The following NTM variants were observed in gnomAD, a reference collection of about 807,000 sequenced individuals.
NTM encodes the protein neurotrimin, also known as IgLON family member 2.
A neutral mutation model predicts 42.1 loss-of-function variants in NTM; 13 were observed. That is an observed-to-expected ratio of 0.31 (90% CI 0.20 to 0.49). The LOEUF (loss-of-function observed/expected upper bound fraction) is 0.49. Among genes scored for constraint, NTM ranks in the 20% least tolerant of loss-of-function variants. The pLI is 0.99. For missense variants in NTM, 373 were observed against 452.8 expected (o/e 0.82, Z 1.60); for synonymous variants, 187 against 179.2 (o/e 1.04, Z -0.35).
At chr11:132,334,961 G>A (rs779781876) in intron 8 of NTM, 85 bp from the exon 9 acceptor site, 363 of 1,558,308 alleles carry the variant, frequency 2.3e-4, no homozygotes, top group Non-Finnish European at 3.0e-4. Flanking sequence ...CAGGGGCAAG[G>A]CCAAATGACA....
chr11:131,539,407 T>G (rs2052825795), intron 1 of NTM: 1 of 152,298 alleles, frequency 6.6e-6, no homozygotes, highest in East Asian at 1.9e-4. Context: ...GATGAACGCT[T>G]GTGCACCAAT....
intron 1 of NTM, among the ~76,000 whole-genome samples, chr11:131,540,154 GTTTTTTTTTTTTTTTTTT>G (rs57022166): frequency 6.9e-5 from 6 of 86,684 alleles, no homozygotes; most frequent in Admixed American, 5.0e-4. Context: ...ATTTAAGCTT[GTTTTTTTTTTTTTTTTTT>G]TTTTTTTTTT....
intron 1 of NTM, among the ~76,000 whole-genome samples, chr11:131,690,133 G>A (rs894694962): frequency 1.3e-5 from 2 of 152,168 alleles, no homozygotes; most frequent in African/African-American, 4.8e-5. Flanking sequence ...GTGGAACTGG[G>A]TAGAGGAGCA....
At chr11:131,859,019 G>A (rs940647897) in intron 1 of NTM, among the ~76,000 whole-genome samples, 3 of 152,074 alleles carry the variant, frequency 2.0e-5, no homozygotes, top group Admixed American at 6.6e-5. Flanking sequence ...GAGTTTTGCC[G>A]CACTTCAGCT....
chr11:131,693,687 C>G (rs1051377607), intron 1 of NTM, among the ~76,000 whole-genome samples: 1 of 152,186 alleles, frequency 6.6e-6, no homozygotes, highest in African/African-American at 2.4e-5. Flanking sequence ...GTCATCCACC[C>G]AAATCCTATG....
At chr11:131,857,008 T>C (rs2046175689) in intron 1 of NTM, among the ~76,000 whole-genome samples, 2 of 152,340 alleles carry the variant, frequency 1.3e-5, no homozygotes, top group Admixed American at 1.3e-4. Context: ...TTTACCTTTT[T>C]ATATAATCTT....
chr11:131,962,205 T>G (rs2062267220), intron 2 of NTM, among the ~76,000 whole-genome samples: 1 of 152,128 alleles, frequency 6.6e-6, no homozygotes, highest in Admixed American at 6.6e-5. Flanking sequence ...CATAATCATC[T>G]TTCTCTTTAA....
intron 2 of NTM, among the ~76,000 whole-genome samples, chr11:131,973,908 T>G (rs1436594327): frequency 6.6e-6 from 1 of 152,204 alleles, no homozygotes. Context: ...TTCACTCATA[T>G]GCAGATTTTC....
At chr11:131,627,796 A>C (rs2063275691) in intron 1 of NTM, among the ~76,000 whole-genome samples, 1 of 152,186 alleles carries the variant, frequency 6.6e-6, no homozygotes, top group Non-Finnish European at 1.5e-5. Flanking sequence ...GTACCACTGC[A>C]TTCCAGCTTG....
chr11:131,680,560 T>TAC (rs1565414848), intron 1 of NTM, among the ~76,000 whole-genome samples: 13 of 140,838 alleles, frequency 9.2e-5, no homozygotes, highest in African/African-American at 3.4e-4. Flanking sequence ...TGTGTGTGTG[T>TAC]CTGTGTAGGC....
chr11:132,334,710 G>A (rs182684515), intron 8 of NTM, among the ~76,000 whole-genome samples: 6 of 152,188 alleles, frequency 3.9e-5, no homozygotes, highest in Non-Finnish European at 7.4e-5. Flanking sequence ...AAAGCTCTGT[G>A]TAGGATATTA....
chr11:132,195,392 A>G (rs12416951), intron 3 of NTM, among the ~76,000 whole-genome samples: 17,751 of 151,898 alleles, frequency 0.12, 1,289 homozygotes, highest in East Asian at 0.26. Context: ...TACAGATTCA[A>G]TGTAATTCCT....
chr11:131,550,371 G>A (rs2136903873), intron 1 of NTM, among the ~76,000 whole-genome samples: 1 of 152,280 alleles, frequency 6.6e-6, no homozygotes, highest in African/African-American at 2.4e-5. Context: ...CAAATCTCAT[G>A]TCAAATTGGA....
chr11:131,734,897 C>A (rs1308524956), intron 1 of NTM, among the ~76,000 whole-genome samples: 1 of 152,104 alleles, frequency 6.6e-6, no homozygotes, highest in East Asian at 1.9e-4. Context: ...AAAATAACAC[C>A]AAGAACAACA....
In NTM at chr11:132,058,104, G is replaced by T. The variant is rs576489746; in HGVS notation, c.168-88178G>T. Among the ~76,000 whole-genome samples the T allele has an allele frequency of 3.3e-5, 5 of 152,216 alleles. 1 individual carries two copies. In the South Asian group the frequency reaches 1.0e-3, roughly 32 times the overall value. On this transcript the variant is annotated intron_variant, in intron 2 of 8. Transcript: ENST00000683400. ...TCTGATTTGAGTTGTTCTGTCTGTTGAGCCTCTTTTATTTTGTTTCTTTAT... is the reference window on the plus strand; with the variant it reads ...TCTGATTTGAGTTGTTCTGTCTGTTTAGCCTCTTTTATTTTGTTTCTTTAT...
At chr11:132,165,375 A>G (rs1300898165) in intron 3 of NTM, among the ~76,000 whole-genome samples, 1 of 152,122 alleles carries the variant, frequency 6.6e-6, no homozygotes, top group African/African-American at 2.4e-5. Context: ...CCCGTCACTC[A>G]CGATTCCCCA....
chr11:131,691,727 C>A (rs1050763417), intron 1 of NTM, among the ~76,000 whole-genome samples: 12 of 152,306 alleles, frequency 7.9e-5, no homozygotes, highest in Admixed American at 4.6e-4. Flanking sequence ...GCGTTCTTTC[C>A]GCGGCGCGGG....
At chr11:131,555,761 C>T (rs1164552565) in intron 1 of NTM, among the ~76,000 whole-genome samples, 1 of 152,108 alleles carries the variant, frequency 6.6e-6, no homozygotes. Flanking sequence ...CAGCATTGTC[C>T]TCTAGGAGGA....
At chr11:132,283,127 C>T (rs986128367) in intron 4 of NTM, among the ~76,000 whole-genome samples, 11 of 151,736 alleles carry the variant, frequency 7.2e-5, no homozygotes, top group African/African-American at 2.2e-4. Flanking sequence ...GCTGGGACTA[C>T]AGGCACGTGC....
Sources: gnomAD v4.1 joint callset for allele counts (sites outside exome capture counted in the v4.1 genomes callset) on GRCh38, gnomAD v4.1.1 for gene constraint, MANE v1.5 for transcripts, NCBI Gene and HGNC (gene_info 2026-07-23, HGNC 2026-07-21) for gene names.